Variants in KIZ observed in about 807,000 individuals in gnomAD.
KIZ encodes kizuna centrosomal protein, also known as centrosomal protein kizuna.
KIZ carries 68 observed loss-of-function variants against 79.6 expected under a neutral mutation model. The observed-to-expected ratio is 0.85, with a 90% CI of 0.70 to 1.05. The LOEUF (loss-of-function observed/expected upper bound fraction) is 1.05, where lower values mean the gene tolerates loss of function less well. KIZ is among the 50% of genes least tolerant of loss of function. The probability of loss-of-function intolerance (pLI) is 0.00; values close to 1 mark genes in which losing one functional copy is unlikely to be tolerated. For missense variants in KIZ, 797 were observed against 800.4 expected (o/e 1.00, Z 0.05); for synonymous variants, 280 against 281.8 (o/e 0.99, Z 0.06).
intron 1 of KIZ, among the ~76,000 whole-genome samples, chr20:21,128,605 A>G (rs536034965): frequency 6.6e-6 from 1 of 152,136 alleles, no homozygotes; most frequent in South Asian, 2.1e-4. Context: ...ATGTTTTCCT[A>G]TGTGTGTACA....
At chr20:21,239,268 G>A (rs1212367476) in intron 11 of KIZ, among the ~76,000 whole-genome samples, 1 of 152,228 alleles carries the variant, frequency 6.6e-6, no homozygotes, top group Admixed American at 6.5e-5. Context: ...GCTTCTGAAA[G>A]CAGCTCACAT....
At chr20:21,205,658 T>TAAAAAAA in intron 7 of KIZ, 74 bp downstream of exon 7, 1 of 499,024 alleles carries the variant, frequency 2.0e-6, no homozygotes, top group South Asian at 3.3e-5. Context: ...AATTTTTATT[T>TAAAAAAA]AAAAAAAAAA....
chr20:21,134,598 T>C (rs2032060344), intron 2 of KIZ, among the ~76,000 whole-genome samples: 1 of 152,136 alleles, frequency 6.6e-6, no homozygotes, highest in Non-Finnish European at 1.5e-5. Flanking sequence ...CCTGGAATGT[T>C]TTCCCCTCAT....
At chr20:21,203,969 A>G (rs2035698948) in intron 6 of KIZ, among the ~76,000 whole-genome samples, 2 of 152,068 alleles carry the variant, frequency 1.3e-5, no homozygotes, top group Admixed American at 1.3e-4. Context: ...CCCAGGCCCC[A>G]GCACCCACCA....
chr20:21,205,298 G>A (rs1256125514), intron 6 of KIZ, among the ~76,000 whole-genome samples, 193 bp from the exon 7 acceptor site: 2 of 152,096 alleles, frequency 1.3e-5, no homozygotes, highest in African/African-American at 4.8e-5. Context: ...TGCTCATTTA[G>A]CAATGAAATA....
chr20:21,200,880 T>A (rs1284866824), intron 6 of KIZ, among the ~76,000 whole-genome samples: 2 of 152,160 alleles, frequency 1.3e-5, no homozygotes, highest in East Asian at 1.9e-4. Flanking sequence ...TTATGTTATA[T>A]CAAGGATTAA....
intron 4 of KIZ, among the ~76,000 whole-genome samples, chr20:21,155,474 C>T (rs776394237): frequency 1.3e-5 from 2 of 152,026 alleles, no homozygotes; most frequent in African/African-American, 4.8e-5. Flanking sequence ...GCAGAATAAG[C>T]GGATTTTTAC....
chr20:21,142,823 A>G (rs1050886869), intron 3 of KIZ, among the ~76,000 whole-genome samples: 2 of 151,884 alleles, frequency 1.3e-5, no homozygotes, highest in Non-Finnish European at 2.9e-5. Context: ...ATAAAGTAAA[A>G]TAGATGTGTT....
At chr20:21,154,973 A>G (rs2122602474) in intron 4 of KIZ, among the ~76,000 whole-genome samples, 1 of 152,358 alleles carries the variant, frequency 6.6e-6, no homozygotes, top group Non-Finnish European at 1.5e-5. Context: ...GTGTGGAGCT[A>G]GTTCAAATGC....
At chr20:21,155,302 A>G (rs1051997568) in intron 4 of KIZ, among the ~76,000 whole-genome samples, 2 of 152,192 alleles carry the variant, frequency 1.3e-5, no homozygotes, top group African/African-American at 4.8e-5. Flanking sequence ...TAAACAAACT[A>G]CAGTATATCC....
At position 21,236,961 on chromosome 20, in the gene KIZ, A is replaced by G. The variant is rs182114515; in HGVS notation, c.1880+4131A>G. Among the ~76,000 whole-genome samples, 335 of 149,822 alleles carry G rather than the reference A, an allele frequency of 2.2e-3. 6 individuals are homozygous for G. The highest frequency in any genetic ancestry group is 7.6e-4 in the Non-Finnish European group (51 of 67,548). ...CTTGCAGTGAGCTGAAATTGCACCA[A>G]TGCACTCATCTGGGCAATGGAGCAA... On this transcript the variant is annotated intron_variant, in intron 11 of 12. Transcript: ENST00000619189.
chr20:21,190,606 G>T (rs1000754152), intron 6 of KIZ, among the ~76,000 whole-genome samples: 1 of 152,104 alleles, frequency 6.6e-6, no homozygotes, highest in Non-Finnish European at 1.5e-5. Context: ...GTCTGCTTTG[G>T]TTCATTAGTT....
chr20:21,128,669 T>C (rs1225102303), intron 1 of KIZ, among the ~76,000 whole-genome samples: 1 of 152,246 alleles, frequency 6.6e-6, no homozygotes, highest in East Asian at 1.9e-4. Context: ...AAGAGTCTAA[T>C]GGAGTGACTT....
chr20:21,132,294 A>G (rs933953436), intron 2 of KIZ, 135 bp downstream of exon 2: 1 of 559,464 alleles, frequency 1.8e-6, no homozygotes, highest in Admixed American at 3.6e-5. Flanking sequence ...TTTTTTTGAG[A>G]TGGAGTCTTG....
chr20:21,134,349 A>G (rs2032040429), intron 2 of KIZ, among the ~76,000 whole-genome samples: 1 of 152,022 alleles, frequency 6.6e-6, no homozygotes, highest in Non-Finnish European at 1.5e-5. Flanking sequence ...TAGGTGCTTC[A>G]CTTCCATCTG....
At chr20:21,203,465 C>T (rs2035676777) in intron 6 of KIZ, among the ~76,000 whole-genome samples, 1 of 152,152 alleles carries the variant, frequency 6.6e-6, no homozygotes, top group African/African-American at 2.4e-5. Flanking sequence ...GATACTAAGA[C>T]CGATCTGTGG....
At chr20:21,143,049 A>G (rs1600374376) in intron 3 of KIZ, among the ~76,000 whole-genome samples, 1 of 152,138 alleles carries the variant, frequency 6.6e-6, no homozygotes, top group South Asian at 2.1e-4. Context: ...AGTTGAACAA[A>G]TGAACGTTCC....
intron 6 of KIZ, among the ~76,000 whole-genome samples, chr20:21,183,772 A>G (rs1474607763): frequency 6.6e-6 from 1 of 152,302 alleles, no homozygotes; most frequent in East Asian, 1.9e-4. Context: ...GCATATGTCA[A>G]TGCAGCCCAG....
At chr20:21,236,137 C>G (rs1368967127) in intron 11 of KIZ, among the ~76,000 whole-genome samples, 2 of 152,192 alleles carry the variant, frequency 1.3e-5, no homozygotes, top group Non-Finnish European at 2.9e-5. Context: ...CAAATAAGAA[C>G]AATCGCTTGA....
Sources: gnomAD v4.1 joint callset for allele counts (sites outside exome capture counted in the v4.1 genomes callset) on GRCh38, gnomAD v4.1.1 for gene constraint, MANE v1.5 for transcripts, NCBI Gene and HGNC (gene_info 2026-07-23, HGNC 2026-07-21) for gene names.